Variants in PPP1R16A observed in about 807,000 individuals in gnomAD.
PPP1R16A encodes the protein protein phosphatase 1 regulatory subunit 16A.
PPP1R16A carries 39 observed loss-of-function variants against 46.6 expected under a neutral mutation model. The ratio of observed to expected loss-of-function variants is 0.84; its 90% confidence interval spans 0.65 to 1.09. The LOEUF (loss-of-function observed/expected upper bound fraction) is 1.09. Ranked by LOEUF, PPP1R16A falls within the 50% of genes least tolerant of loss-of-function variation. PPP1R16A has a pLI of 0.00. For synonymous variants in PPP1R16A, 413 were observed against 321.5 expected (o/e 1.28, Z -3.04); for missense variants, 798 against 735.6 (o/e 1.08, Z -0.98).
Position 144,496,867 on chromosome 8 carries a change from G to A in PPP1R16A, c.-328G>A, listed in dbSNP as rs1033720051. 5 of 469,918 alleles carry A rather than the reference G, an allele frequency of 1.1e-5. No homozygotes were observed. The East Asian group carries it at 1.9e-4, about 18-fold the overall frequency. 29.1% of individuals were successfully genotyped at this position (469,918 alleles called of 1,614,324 possible). ...TCAGACCCTGCACTGAGGCCGGCCAGGTCTCGGGGCTGCCTCCCATAGGTT... is the reference window on the plus strand; with the variant it reads ...TCAGACCCTGCACTGAGGCCGGCCAAGTCTCGGGGCTGCCTCCCATAGGTT... On this transcript the variant is annotated 5_prime_UTR_variant, in exon 3 of 12. Transcript: ENST00000435887.
intron 3 of PPP1R16A, chr8:144,498,511 G>A (rs986899164): frequency 2.0e-6 from 1 of 505,906 alleles, no homozygotes; most frequent in Non-Finnish European, 3.5e-6. Flanking sequence ...ACAGGAGCAC[G>A]GCCTGTTCTG....
chr8:144,486,585 T>C (rs1345988923), intron 1 of PPP1R16A, among the ~76,000 whole-genome samples: 1 of 152,228 alleles, frequency 6.6e-6, no homozygotes, highest in Non-Finnish European at 1.5e-5. Flanking sequence ...GTGGCTCTAA[T>C]TTGCATTTTA....
At chr8:144,485,212 CAAA>C (rs749667274) in intron 1 of PPP1R16A, among the ~76,000 whole-genome samples, 6 of 61,544 alleles carry the variant, frequency 9.7e-5, no homozygotes, top group African/African-American at 6.4e-4. Flanking sequence ...AATAGAATCT[CAAA>C]AAAAAAAAAA....
At position 144,500,700 on chromosome 8, in the gene PPP1R16A, G is replaced by A; in HGVS notation, c.846G>A (p.Glu282=). 1 of 1,611,300 alleles carries A rather than the reference G, an allele frequency of 6.2e-7. No individual in the cohort carries two copies. The change falls in exon 9 of 12, where the codon GAG becomes GAA. Residue 282 remains glutamate (E), a synonymous_variant. Transcript: ENST00000435887. ...AAYWGQVPLV[E]LLVAHGADLN... Reference sequence around the variant, plus strand: ...GCCGTCCACAGGTGCCCCTGGTGGAGCTGCTCGTGGCGCACGGGGCCGACC... The same window carrying A: ...GCCGTCCACAGGTGCCCCTGGTGGAACTGCTCGTGGCGCACGGGGCCGACC...
intron 2 of PPP1R16A, 128 bp downstream of exon 2, chr8:144,490,340 C>T (rs1825764867): frequency 6.6e-6 from 1 of 152,258 alleles, no homozygotes; most frequent in Admixed American, 6.5e-5. Context: ...AACCCCGTAT[C>T]TACTAAAGAT....
rs1230307195 is a variant in PPP1R16A, at chr8:144,501,835, C to T, written c.1519C>T (p.Leu507=). The change falls in exon 12 of 12, where the codon CTG becomes TTG. Residue 507 remains leucine (L), a synonymous_variant. Coordinates refer to ENST00000435887, the MANE Select transcript of PPP1R16A (RefSeq NM_001329443.2). ...CGFRAGGDPP[L]LKLTAPAVEA... ...CTTCAGGGCAGGCGGGGACCCACCC[C>T]TGCTCAAGCTCACAGCCCCGGCGGT... The T allele has an allele frequency of 1.3e-5, 20 of 1,550,540 alleles. No homozygotes were observed. The highest frequency in any genetic ancestry group is 1.7e-5 in the Non-Finnish European group (20 of 1,148,818).
At chr8:144,497,553 G>T (rs1826135781) in intron 3 of PPP1R16A, 100 bp downstream of exon 3, 1 of 1,512,926 alleles carries the variant, frequency 6.6e-7, no homozygotes, top group Non-Finnish European at 9.0e-7. Flanking sequence ...CCTGTCCACA[G>T]CTCCTGGGCT....
intron 2 of PPP1R16A, among the ~76,000 whole-genome samples, chr8:144,492,505 T>G (rs1364124143): frequency 2.6e-5 from 4 of 151,928 alleles, no homozygotes; most frequent in Non-Finnish European, 4.4e-5. Flanking sequence ...CCAGCTAATT[T>G]TTTGTATTTT....
rs1586768857 is a variant in PPP1R16A at position 144,502,053 on chromosome 8, G to C, written c.*150G>C. On this transcript the variant is annotated 3_prime_UTR_variant, in exon 12 of 12. Transcript: ENST00000435887. ...CCCTCTCAGGTCAGAAGACATGCCT[G>C]GAGGGATGTCTGGCTGCAAAGACTA... The C allele has an allele frequency of 4.2e-6, 3 of 715,592 alleles. No individual in the cohort carries two copies. The highest frequency in any genetic ancestry group is 6.5e-6 in the Non-Finnish European group (3 of 462,500). 44.3% of individuals were successfully genotyped at this position (715,592 alleles called of 1,614,324 possible). A position where few individuals can be genotyped will look rare whatever the true frequency, so the allele number is the denominator to read the frequency against.
chr8:144,497,646 C>T lies in PPP1R16A; in HGVS notation c.259+193C>T, dbSNP rs1440145573. The T allele has an allele frequency of 3.9e-6, 3 of 772,150 alleles. No homozygotes were observed. The African/African-American group carries it at 5.1e-5, about 13-fold the overall frequency. The allele number at this position is 772,150 out of a possible 1,614,324, so 47.8% of individuals were successfully genotyped here. On this transcript the variant is annotated intron_variant, in intron 3 of 11. Coordinates refer to ENST00000435887, the MANE Select transcript of PPP1R16A (RefSeq NM_001329443.2). ...AGGCAAGCCCCAAGCAGTGGGCAGC[C>T]CTGAGGTGAGCCTGTGCGGGACAGC...
At chr8:144,499,217 T>A in intron 5 of PPP1R16A, 156 bp downstream of exon 5, 1 of 997,576 alleles carries the variant, frequency 1.0e-6, no homozygotes, top group Non-Finnish European at 1.4e-6. Flanking sequence ...GAGCAGGGCC[T>A]GGGGCTCCAG....
At chr8:144,497,684 G>A (rs1197996892) in intron 3 of PPP1R16A, 5 of 670,110 alleles carry the variant, frequency 7.5e-6, no homozygotes, top group African/African-American at 3.6e-5. Context: ...TCCTTCAGGC[G>A]GGGGCTGCAT....
chr8:144,492,286 G>A (rs1019072618), intron 2 of PPP1R16A, among the ~76,000 whole-genome samples: 2 of 152,168 alleles, frequency 1.3e-5, no homozygotes, highest in East Asian at 1.9e-4. Context: ...CCTGCTCTGG[G>A]GGTTTTAGTA....
intron 2 of PPP1R16A, among the ~76,000 whole-genome samples, chr8:144,495,013 G>A (rs1211332973): frequency 6.6e-6 from 1 of 152,192 alleles, no homozygotes; most frequent in Admixed American, 6.5e-5. Context: ...TGGCCTCTGC[G>A]GTCTACAGAG....
At chr8:144,486,326 G>A (rs1825626744) in intron 1 of PPP1R16A, among the ~76,000 whole-genome samples, 1 of 152,006 alleles carries the variant, frequency 6.6e-6, no homozygotes, top group South Asian at 2.1e-4. Flanking sequence ...CCCAGCCTCC[G>A]AAAGTGCTGG....
rs746344306 is a variant in PPP1R16A, at chr8:144,500,623, G to A, written c.831+11G>A. On this transcript the variant is annotated intron_variant, in intron 8 of 11. Coordinates refer to ENST00000435887, the MANE Select transcript of PPP1R16A (RefSeq NM_001329443.2). The stretch of plus-strand genomic sequence containing the variant: ...GCCTACTGGGGCCAGGTGAGTGCGG[G>A]CGGGAGCAGGTGGGAGGGGGCTTCC... The A allele has an allele frequency of 6.2e-7, 1 of 1,602,482 alleles. No individual in the cohort carries two copies. Among genetic ancestry groups the A allele is most frequent in the South Asian group, 1.1e-5 (1 of 90,860 alleles).
intron 2 of PPP1R16A, among the ~76,000 whole-genome samples, chr8:144,492,675 C>CTTACTGAG (rs1199320802): frequency 1.4e-4 from 21 of 152,154 alleles, no homozygotes; most frequent in African/African-American, 4.8e-4. Context: ...TGAGGTGCAC[C>CTTACTGAG]GTACACACAT....
chr8:144,492,952 G>A (rs1482252355), intron 2 of PPP1R16A, among the ~76,000 whole-genome samples: 2 of 152,136 alleles, frequency 1.3e-5, no homozygotes, highest in African/African-American at 4.8e-5. Flanking sequence ...TGGTAAAGTA[G>A]TGACCGGGGC....
intron 2 of PPP1R16A, among the ~76,000 whole-genome samples, chr8:144,490,621 C>T (rs1825775670): frequency 6.6e-6 from 1 of 152,198 alleles, no homozygotes; most frequent in Admixed American, 6.5e-5. Flanking sequence ...TGAACAGTCA[C>T]TCTGGCGGGA....
Sources: allele counts gnomAD v4.1 joint callset (sites outside exome capture counted in the v4.1 genomes callset), GRCh38; gene constraint gnomAD v4.1.1; transcripts MANE v1.5; gene names NCBI Gene and HGNC (gene_info 2026-07-23, HGNC 2026-07-21).